The following SCN11A variants were observed in gnomAD, a reference collection of about 807,000 sequenced individuals.
SCN11A encodes sodium voltage-gated channel alpha subunit 11.
A neutral mutation model predicts 162.2 loss-of-function variants in SCN11A; 122 were observed. The observed-to-expected ratio is 0.75, with a 90% CI of 0.65 to 0.87. The LOEUF is 0.87. Among genes scored for constraint, SCN11A ranks in the 40% least tolerant of loss-of-function variants. The pLI is 0.00. For missense variants in SCN11A, 2,015 were observed against 2,181.6 expected (o/e 0.92, Z 1.52); for synonymous variants, 758 against 751.5 (o/e 1.01, Z -0.14).
intron 1 of SCN11A, among the ~76,000 whole-genome samples, chr3:39,042,728 C>T (rs1388612808): frequency 6.6e-6 from 1 of 151,996 alleles, no homozygotes; most frequent in East Asian, 1.9e-4. Context: ...GAGGCCGAGA[C>T]AGGAGGATCA....
At chr3:38,959,768 C>T (rs1039939742) in intron 3 of SCN11A, among the ~76,000 whole-genome samples, 1 of 152,132 alleles carries the variant, frequency 6.6e-6, no homozygotes, top group Non-Finnish European at 1.5e-5. Flanking sequence ...TTCATAGATC[C>T]CATAAGAAAA....
intron 1 of SCN11A, among the ~76,000 whole-genome samples, chr3:39,032,852 T>C (rs975484914): frequency 8.5e-5 from 13 of 152,106 alleles, no homozygotes; most frequent in African/African-American, 2.7e-4. Flanking sequence ...GATAAAGAAA[T>C]TGAAGATGAG....
chr3:38,880,087 T>C lies in SCN11A; in HGVS notation c.3256A>G (p.Ile1086Val). Residue 1086 changes from isoleucine (I) to valine (V), a missense_variant, in exon 23 of 30, where the codon ATC becomes GTC. Ile to Val is a conservative substitution (Grantham distance 29, BLOSUM62 3). Transcript: ENST00000302328. ...EDVHLENQPK[I>V]QELLNCTDII... The stretch of plus-strand genomic sequence containing the variant: ...TCAGTACAATTTAGTAATTCTTGGA[T>C]TTTGGGTTGGTTCTCAAGGTGAACA... 1 of 1,611,726 alleles carries C rather than the reference T, an allele frequency of 6.2e-7. No individual in the cohort carries two copies. The highest frequency in any genetic ancestry group is 8.5e-7 in the Non-Finnish European group (1 of 1,178,376).
intron 2 of SCN11A, chr3:39,026,224 T>C (rs1443717570): frequency 6.6e-6 from 1 of 152,260 alleles, no homozygotes; most frequent in Non-Finnish European, 1.5e-5. Context: ...TGACAAGTCA[T>C]ATACAAGGCA....
intron 18 of SCN11A, among the ~76,000 whole-genome samples, chr3:38,895,599 A>G (rs1261239501): frequency 6.6e-6 from 1 of 152,054 alleles, no homozygotes; most frequent in Non-Finnish European, 1.5e-5. Flanking sequence ...TACCTCCTCA[A>G]ATTCCTTTGT....
chr3:39,043,603 T>C (rs2032111106), intron 1 of SCN11A, among the ~76,000 whole-genome samples: 2 of 151,864 alleles, frequency 1.3e-5, no homozygotes, highest in South Asian at 2.1e-4. Context: ...TTCCCACTTA[T>C]TTGTGGGATC....
At position 39,018,600 on chromosome 3, in the gene SCN11A, T is replaced by C. The variant is rs569808325; in HGVS notation, c.-280+13780A>G. On this transcript the variant is annotated intron_variant, in intron 2 of 29. Coordinates refer to ENST00000302328, the MANE Select transcript of SCN11A (RefSeq NM_001349253.2). ...TTTGGAGGCTGAGGTGGGTGGATCA[T>C]GAGGTCAGGAGATCAAGACCAGCCT... is the stretch of plus-strand genomic sequence containing the variant. Among the ~76,000 whole-genome samples the C allele has an allele frequency of 8.3e-4, 126 of 152,184 alleles. 1 individual carries two copies. The highest frequency in any genetic ancestry group is 3.0e-3 in the African/African-American group (125 of 41,532).
chr3:38,880,898 G>A (rs2126104609), intron 22 of SCN11A, among the ~76,000 whole-genome samples: 1 of 152,264 alleles, frequency 6.6e-6, no homozygotes, highest in East Asian at 1.9e-4. Context: ...GGCCTTTACA[G>A]AGTTACTGAG....
Position 38,848,163 on chromosome 3 carries a change from C to T in SCN11A, c.4328-421G>A, listed in dbSNP as rs2064707381. ...CCAAACTCAAAAAGCTGAAGGGACA[C>T]AATTTGGAGATACTTTCTCTGTTGC... On this transcript the variant is annotated intron_variant, in intron 29 of 29. Coordinates refer to ENST00000302328, the MANE Select transcript of SCN11A (RefSeq NM_001349253.2). Among the ~76,000 whole-genome samples, 4 of 152,312 alleles carry T rather than the reference C, an allele frequency of 2.6e-5. 1 individual carries two copies. In the South Asian group the frequency reaches 8.3e-4, roughly 32 times the overall value.
rs2065828657 is a variant in SCN11A at position 38,908,050 on chromosome 3, TC to T, written c.1371del (p.Arg458GlufsTer14). 1 of 1,613,640 alleles carries T rather than the reference TC, an allele frequency of 6.2e-7. No individual in the cohort carries two copies. Among genetic ancestry groups the T allele is most frequent in the Admixed American group, 1.7e-5 (1 of 59,958 alleles). On this transcript the variant is annotated frameshift_variant, in exon 14 of 30. Coordinates refer to ENST00000302328, the MANE Select transcript of SCN11A (RefSeq NM_001349253.2). LOFTEE classifies it high-confidence loss of function. The stretch of plus-strand genomic sequence containing the variant: ...CTTTTCTTATTACCAAAGAGCTTTC[TC>T]TTTTTTGGGGTAAAATATGATGTTT... ...SLETSYFTPK[K>X]RKLFGNKKRK... is the part of the protein sequence containing the mutation.
chr3:38,960,360 G>A lies in SCN11A; in HGVS notation c.-216C>T, dbSNP rs1167690705. 6.6e-6 allele frequency among the ~76,000 whole-genome samples: 1 copy of A among 152,156 alleles called. No individual in the cohort carries two copies. On this transcript the variant is annotated 5_prime_UTR_variant, in exon 3 of 30. Coordinates refer to ENST00000302328, the MANE Select transcript of SCN11A (RefSeq NM_001349253.2). ...AGCTCTCCACAGAGCAAGTCTCTCAGCAGAGTTCGAGCTTCTGCTCCTGGC... is the reference window on the plus strand; with the variant it reads ...AGCTCTCCACAGAGCAAGTCTCTCAACAGAGTTCGAGCTTCTGCTCCTGGC...
Position 38,950,080 on chromosome 3 carries a change from C to A in SCN11A, c.267+16G>T, listed in dbSNP as rs540729482. ...ACACCCCCACCCCCACCCCCCCCCCCCGCCCAATGAAGTACCTTATGATTT... is the reference window on the plus strand; with the variant it reads ...ACACCCCCACCCCCACCCCCCCCCCACGCCCAATGAAGTACCTTATGATTT... On this transcript the variant is annotated intron_variant, in intron 5 of 29. Coordinates refer to ENST00000302328, the MANE Select transcript of SCN11A (RefSeq NM_001349253.2). 4 of 199,788 alleles carry A rather than the reference C, an allele frequency of 2.0e-5. No individual in the cohort carries two copies. Among genetic ancestry groups the A allele is most frequent in the Non-Finnish European group, 3.3e-5 (3 of 91,920 alleles). The allele number at this position is 199,788 out of a possible 1,614,324, so 12.4% of individuals were successfully genotyped here.
chr3:38,934,503 C>A (rs201896746), intron 7 of SCN11A, among the ~76,000 whole-genome samples: 20,868 of 152,112 alleles, frequency 0.14, 1,657 homozygotes, highest in East Asian at 0.24. Flanking sequence ...CAGAGACACA[C>A]ATAGGCTCAA....
intron 4 of SCN11A, among the ~76,000 whole-genome samples, chr3:38,953,054 T>TG (rs1159903929): frequency 6.6e-6 from 1 of 151,924 alleles, no homozygotes; most frequent in Non-Finnish European, 1.5e-5. Context: ...ATTTGTTTTT[T>TG]TTTGTTGTTG....
At position 38,860,471 on chromosome 3, in the gene SCN11A, C is replaced by T. The variant is rs1021795094; in HGVS notation, c.4056+2724G>A. Among the ~76,000 whole-genome samples the T allele has an allele frequency of 2.0e-5, 3 of 151,990 alleles. No individual in the cohort carries two copies. In the East Asian group the frequency reaches 5.8e-4, roughly 29 times the overall value. ...AACTACAGACCAATATTCCTGATGA[C>T]TATAGGTGCAAAAATACTCAAAAAA... is the stretch of plus-strand genomic sequence containing the variant. On this transcript the variant is annotated intron_variant, in intron 28 of 29. Coordinates refer to ENST00000302328, the MANE Select transcript of SCN11A (RefSeq NM_001349253.2).
Position 38,946,801 on chromosome 3 carries a change from A to C in SCN11A, c.374T>G (p.Val125Gly). The C allele has an allele frequency of 6.2e-7, 1 of 1,607,094 alleles. No homozygotes were observed. The highest frequency in any genetic ancestry group is 1.1e-5 in the South Asian group (1 of 90,688). ...AATGAAAGGATATGAATGGACTGAG[A>C]CTCTAATGGCTAAACTTCTGATTGA... ...FNSIRSLAIR[V>G]SVHSLFSMFI... The change falls in exon 6 of 30, where the codon GTC (valine) becomes GGC (glycine). Residue 125 changes from valine (V) to glycine (G), a missense_variant. Physicochemically the swap from Val to Gly is moderately radical, Grantham distance 109. Coordinates refer to ENST00000302328, the MANE Select transcript of SCN11A (RefSeq NM_001349253.2).
chr3:39,040,172 A>C (rs112085357), intron 1 of SCN11A, among the ~76,000 whole-genome samples: 4,402 of 152,322 alleles, frequency 0.029, 216 homozygotes, highest in African/African-American at 0.1. Flanking sequence ...ACTACACTAT[A>C]GCCTCCATAA....
intron 21 of SCN11A, among the ~76,000 whole-genome samples, chr3:38,884,738 A>G (rs2126107816): frequency 6.6e-6 from 1 of 152,348 alleles, no homozygotes; most frequent in East Asian, 1.9e-4. Flanking sequence ...TTTGTTCCAG[A>G]TGCTCTTCTA....
intron 12 of SCN11A, among the ~76,000 whole-genome samples, chr3:38,909,583 C>CTTT (rs57060960): frequency 1.5e-5 from 2 of 133,486 alleles, no homozygotes; most frequent in Non-Finnish European, 3.2e-5. Context: ...CTTGAAGTTT[C>CTTT]TTTTTTTTTT....
Sources: gnomAD v4.1 joint callset for allele counts (sites outside exome capture counted in the v4.1 genomes callset) on GRCh38, gnomAD v4.1.1 for gene constraint, MANE v1.5 for transcripts, NCBI Gene and HGNC (gene_info 2026-07-23, HGNC 2026-07-21) for gene names.